Variants in CPT1A observed in about 807,000 individuals in gnomAD.
CPT1A encodes the protein carnitine O-palmitoyltransferase 1, liver isoform.
CPT1A carries 64 observed loss-of-function variants against 100.8 expected under a neutral mutation model. The observed-to-expected ratio is 0.63, with a 90% CI of 0.52 to 0.78. The LOEUF is 0.78. Among genes scored for constraint, CPT1A ranks in the 30% least tolerant of loss-of-function variants. CPT1A has a pLI of 0.00. For synonymous variants in CPT1A, 363 were observed against 396.0 expected (o/e 0.92, Z 0.99); for missense variants, 802 against 1,034.1 (o/e 0.78, Z 3.08).
At chr11:68,837,397 G>A (rs1464583852) in intron 1 of CPT1A, among the ~76,000 whole-genome samples, 3 of 152,188 alleles carry the variant, frequency 2.0e-5, no homozygotes, top group Non-Finnish European at 4.4e-5. Context: ...GCTGTCTGTG[G>A]TGACTCAATG....
chr11:68,807,025 C>T lies in CPT1A; in HGVS notation c.453+442G>A, dbSNP rs142071269. ...CAAGCATCCACATATATGGCAAAGC[C>T]ATTACCTTAAATAAGGGACCCTTGG... On this transcript the variant is annotated intron_variant, in intron 4 of 18. Transcript: ENST00000265641. Among the ~76,000 whole-genome samples, 977 of 152,116 alleles carry T rather than the reference C, an allele frequency of 6.4e-3. 13 individuals are homozygous for T. The highest frequency in any genetic ancestry group is 0.021 in the African/African-American group (861 of 41,508).
chr11:68,822,531 TAA>T (rs879854169), intron 1 of CPT1A, among the ~76,000 whole-genome samples: 2 of 142,548 alleles, frequency 1.4e-5, no homozygotes, highest in African/African-American at 2.6e-5. Flanking sequence ...GATCCTGTCT[TAA>T]AAAAAAAAAA....
intron 9 of CPT1A, among the ~76,000 whole-genome samples, chr11:68,788,854 A>G (rs1855542271): frequency 6.6e-6 from 1 of 152,154 alleles, no homozygotes; most frequent in South Asian, 2.1e-4. Flanking sequence ...TGGGGACGTG[A>G]AAGTTGGTAA....
rs181632082 is a variant in CPT1A, at chr11:68,790,873, G to A, written c.967+2442C>T. 2.5e-4 allele frequency among the ~76,000 whole-genome samples: 38 copies of A among 152,022 alleles called. 1 individual carries two copies. Among genetic ancestry groups the A allele is most frequent in the African/African-American group, 8.7e-4 (36 of 41,466 alleles). On this transcript the variant is annotated intron_variant, in intron 9 of 18. Coordinates refer to ENST00000265641, the MANE Select transcript of CPT1A (RefSeq NM_001876.4). ...GAGTCTCACTCTGTCACTCAAGCTG[G>A]AGTGCAGTGGCATGATCTTGGCTCA...
rs531023358 is a variant in CPT1A, at chr11:68,800,446, G to C, written c.556-1091C>G. ...GCTTGAGCCCAAGCAATCTTGACCA[G>C]TTCAAGACCACCCTGGGCAACAGAG... On this transcript the variant is annotated intron_variant, in intron 5 of 18. Coordinates refer to ENST00000265641, the MANE Select transcript of CPT1A (RefSeq NM_001876.4). Among the ~76,000 whole-genome samples, 386 of 146,810 alleles carry C rather than the reference G, an allele frequency of 2.6e-3. 1 individual carries two copies. The highest frequency in any genetic ancestry group is 4.8e-3 in the Non-Finnish European group (320 of 67,122).
In CPT1A at chr11:68,799,614, A is replaced by G. The variant is rs140497369; in HGVS notation, c.556-259T>C. ...AAAAAACAAGACAAAAATTAGCTGGACATGGTGGTGCATGTCTGTGGTCCC... is the reference window on the plus strand; with the variant it reads ...AAAAAACAAGACAAAAATTAGCTGGGCATGGTGGTGCATGTCTGTGGTCCC... On this transcript the variant is annotated intron_variant, in intron 5 of 18. Transcript: ENST00000265641. Among the ~76,000 whole-genome samples, 47 of 152,114 alleles carry G rather than the reference A, an allele frequency of 3.1e-4. No individual in the cohort carries two copies. In the East Asian group the frequency reaches 8.9e-3, roughly 29 times the overall value.
At chr11:68,838,287 A>G (rs1857061490) in intron 1 of CPT1A, among the ~76,000 whole-genome samples, 1 of 152,030 alleles carries the variant, frequency 6.6e-6, no homozygotes, top group African/African-American at 2.4e-5. Context: ...GCAAAGGCAG[A>G]CACTTCTGAG....
chr11:68,836,437 G>A (rs1034435738), intron 1 of CPT1A, among the ~76,000 whole-genome samples: 2 of 152,030 alleles, frequency 1.3e-5, no homozygotes, highest in Non-Finnish European at 2.9e-5. Flanking sequence ...ATGGCACCAC[G>A]GCACTGCACT....
intron 2 of CPT1A, 65 bp downstream of exon 2, chr11:68,815,269 A>T (rs2154001357): frequency 6.5e-7 from 1 of 1,542,692 alleles, no homozygotes; most frequent in Non-Finnish European, 8.9e-7. Context: ...CCTCAATAGC[A>T]GCCAGAGCCC....
intron 4 of CPT1A, among the ~76,000 whole-genome samples, chr11:68,806,980 T>C (rs1856064200): frequency 6.6e-6 from 1 of 151,908 alleles, no homozygotes; most frequent in Admixed American, 6.6e-5. Context: ...AAGAAAAACA[T>C]TTAAATCATG....
chr11:68,815,393 G>C lies in CPT1A; in HGVS notation c.82C>G (p.Leu28Val). The C allele has an allele frequency of 6.2e-7, 1 of 1,614,158 alleles. No individual in the cohort carries two copies. The highest frequency in any genetic ancestry group is 8.5e-7 in the Non-Finnish European group (1 of 1,180,006). The change falls in exon 2 of 19, where the codon CTT becomes GTT. Residue 28 changes from leucine to valine, a missense_variant. Leu to Val is a conservative substitution (Grantham distance 32). Coordinates refer to ENST00000265641, the MANE Select transcript of CPT1A (RefSeq NM_001876.4). The stretch of plus-strand genomic sequence containing the variant: ...AGTCCAGAGAGATAGATTTGTCTAA[G>C]AGCTTCATGGCTCAGCCGCAGGTCA... Reference protein sequence around the residue: ...GIDLRLSHEALRQIYLSGLHS... With the variant: ...GIDLRLSHEAVRQIYLSGLHS...
chr11:68,795,676 G>A (rs1456288040), intron 7 of CPT1A, among the ~76,000 whole-genome samples: 2 of 152,180 alleles, frequency 1.3e-5, no homozygotes, highest in South Asian at 2.1e-4. Flanking sequence ...TTGGGAGACC[G>A]AGGCGCACGG....
chr11:68,836,061 T>C (rs1266127937), intron 1 of CPT1A, among the ~76,000 whole-genome samples: 1 of 152,172 alleles, frequency 6.6e-6, no homozygotes, highest in Non-Finnish European at 1.5e-5. Context: ...ATGCCAAATC[T>C]CAATGCCAGC....
At chr11:68,828,409 C>CCT (rs398097598) in intron 1 of CPT1A, among the ~76,000 whole-genome samples, 5 of 151,982 alleles carry the variant, frequency 3.3e-5, no homozygotes, top group Non-Finnish European at 5.9e-5. Flanking sequence ...CAGGGCCCCC[C>CCT]ACCTCCCACC....
At chr11:68,831,649 T>C (rs1436143688) in intron 1 of CPT1A, among the ~76,000 whole-genome samples, 3 of 151,732 alleles carry the variant, frequency 2.0e-5, no homozygotes, top group African/African-American at 7.3e-5. Context: ...TTTTTTTTTT[T>C]TTGAGACGAA....
intron 4 of CPT1A, 122 bp from the exon 5 acceptor site, chr11:68,804,223 C>A (rs2154000569): frequency 1.3e-6 from 1 of 745,438 alleles, no homozygotes; most frequent in Non-Finnish European, 2.4e-6. Flanking sequence ...GGAGAATGAC[C>A]ATTTCAAAGA....
At chr11:68,833,934 T>C (rs1856946464) in intron 1 of CPT1A, among the ~76,000 whole-genome samples, 1 of 152,094 alleles carries the variant, frequency 6.6e-6, no homozygotes, top group East Asian at 1.9e-4. Context: ...CAAGAGATCA[T>C]CTTGCCTCAG....
intron 1 of CPT1A, among the ~76,000 whole-genome samples, chr11:68,831,853 G>C (rs11827531): frequency 5.9e-4 from 90 of 151,962 alleles, no homozygotes; most frequent in African/African-American, 2.1e-3. Flanking sequence ...GGCTGGTCTC[G>C]AACTCCTGAC....
At chr11:68,821,425 T>C (rs531624283) in intron 1 of CPT1A, among the ~76,000 whole-genome samples, 24 of 152,198 alleles carry the variant, frequency 1.6e-4, no homozygotes, top group Non-Finnish European at 3.5e-4. Context: ...AGTGCTGGGA[T>C]TACAGGCGTG....
Sources: gnomAD v4.1 joint callset for allele counts (sites outside exome capture counted in the v4.1 genomes callset) on GRCh38, gnomAD v4.1.1 for gene constraint, MANE v1.5 for transcripts, NCBI Gene and HGNC (gene_info 2026-07-23, HGNC 2026-07-21) for gene names.